Variants in ABCA10 observed in about 807,000 individuals in gnomAD.
ABCA10 encodes ATP binding cassette subfamily A member 10, also known as ATP-binding cassette sub-family A member 10.
A neutral mutation model predicts 187.5 loss-of-function variants in ABCA10; 169 were observed. That is an observed-to-expected ratio of 0.90 (90% confidence interval 0.80 to 1.02). The LOEUF (loss-of-function observed/expected upper bound fraction) is 1.02, where lower values mean the gene tolerates loss of function less well. Ranked by LOEUF, ABCA10 falls within the 50% of genes least tolerant of loss-of-function variation. ABCA10 has a pLI of 0.00. For missense variants in ABCA10, 1,727 were observed against 1,812.4 expected, an observed-to-expected ratio of 0.95 and a Z score of 0.86; for synonymous variants, 574 against 601.8, an observed-to-expected ratio of 0.95 and a Z score of 0.68.
intron 3 of ABCA10, among the ~76,000 whole-genome samples, chr17:69,224,692 A>G (rs1201986525): frequency 6.7e-6 from 1 of 149,024 alleles, no homozygotes; most frequent in African/African-American, 2.6e-5. Context: ...TTATGGGAAA[A>G]AAAAAAAAAA....
intron 3 of ABCA10, among the ~76,000 whole-genome samples, 177 bp from the exon 4 acceptor site, chr17:69,222,874 A>G: frequency 6.6e-6 from 1 of 152,244 alleles, no homozygotes; most frequent in South Asian, 2.1e-4. Flanking sequence ...ATGCAAATAC[A>G]TGAAAAGACA....
chr17:69,165,172 A>T, intron 25 of ABCA10, 89 bp from the exon 26 acceptor site: 1 of 1,129,408 alleles, frequency 8.9e-7, no homozygotes, highest in Non-Finnish European at 1.3e-6. Flanking sequence ...TTCCTGGGAG[A>T]TACTGCCATT....
At position 69,156,049 on chromosome 17, in the gene ABCA10, C is replaced by A. The variant is rs147419758; in HGVS notation, c.3456-124G>T. 1.9e-3 allele frequency: 2,251 copies of A among 1,157,508 alleles called. 3 individuals are homozygous for A. Among genetic ancestry groups the A allele is most frequent in the Admixed American group, 2.6e-3 (98 of 37,124 alleles). The allele number at this position is 1,157,508 out of a possible 1,614,324, so 71.7% of individuals were successfully genotyped here. On this transcript the variant is annotated intron_variant, in intron 28 of 38. Transcript: ENST00000690296. ...AGACTATCACATCATTAATTTATTA[C>A]CTACAAGATTCTTCTTGGCAGTAAT... is the stretch of plus-strand genomic sequence containing the variant.
intron 28 of ABCA10, 96 bp from the exon 29 acceptor site, chr17:69,156,021 A>G (rs1374911833): frequency 7.4e-7 from 1 of 1,348,070 alleles, no homozygotes; most frequent in African/African-American, 1.5e-5. Flanking sequence ...TCCTTTTTAA[A>G]AAAGACTATC....
In ABCA10 at chr17:69,149,095, G is replaced by A; in HGVS notation, c.4478-7C>T. ...AGGTTGAAGGTCTGTTTCACTGCAT[G>A]TAAAGAGACTGACATTAGTGGCTTA... On this transcript the variant is annotated splice_polypyrimidine_tract_variant and splice_region_variant and intron_variant, in intron 37 of 38. Transcript: ENST00000690296. 1.2e-6 allele frequency: 2 copies of A among 1,613,782 alleles called. No individual in the cohort carries two copies. Among genetic ancestry groups the A allele is most frequent in the Non-Finnish European group, 1.7e-6 (2 of 1,179,736 alleles).
At chr17:69,165,542 T>C (rs931248775) in intron 25 of ABCA10, among the ~76,000 whole-genome samples, 3 of 152,104 alleles carry the variant, frequency 2.0e-5, no homozygotes, top group Admixed American at 6.6e-5. Context: ...GGTAGGAATA[T>C]TGAACAGTTT....
chr17:69,198,323 C>T (rs966060813), intron 10 of ABCA10, among the ~76,000 whole-genome samples: 6 of 152,074 alleles, frequency 3.9e-5, no homozygotes, highest in Non-Finnish European at 5.9e-5. Context: ...TTCTGCAATG[C>T]GGAGGACATA....
intron 1 of ABCA10, among the ~76,000 whole-genome samples, chr17:69,227,907 C>T (rs2074806428): frequency 2.0e-5 from 3 of 151,826 alleles, no homozygotes; most frequent in Non-Finnish European, 4.4e-5. Context: ...GCTAATATGA[C>T]TAGAGTAATT....
At chr17:69,194,050 T>C (rs1336049330) in intron 12 of ABCA10, 61 bp from the exon 13 acceptor site, 16 of 1,412,704 alleles carry the variant, frequency 1.1e-5, no homozygotes, top group East Asian at 2.3e-5. Flanking sequence ...AGAGTGATAA[T>C]ATATGTTAGT....
chr17:69,192,750 A>C, intron 15 of ABCA10, 97 bp from the exon 16 acceptor site: 1 of 1,032,892 alleles, frequency 9.7e-7, no homozygotes, highest in Non-Finnish European at 1.5e-6. Flanking sequence ...TGAAATTTGT[A>C]ATATCAATAC....
rs775756407 is a variant in ABCA10, at chr17:69,219,603, C to T, written c.472G>A (p.Glu158Lys). The change falls in exon 6 of 39, where the codon GAA (glutamate) becomes AAA (lysine). Residue 158 changes from glutamate (E) to lysine (K), a missense_variant. Transcript: ENST00000690296. ...ATCAGTTTCTTAAATTTTCCTCTTT[C>T]CCTTGCAACATTTAATGATGCAAAG... ...IYFASLNVAR[E>K]RGKFKKLMTV... The T allele has an allele frequency of 4.3e-6, 7 of 1,609,676 alleles. No individual in the cohort carries two copies. The highest frequency in any genetic ancestry group is 1.7e-4 in the Middle Eastern group (1 of 6,044).
Position 69,153,832 on chromosome 17 carries a change from G to A in ABCA10, c.3964C>T (p.Arg1322Ter), listed in dbSNP as rs10491178. 98,995 of 1,611,562 alleles carry A rather than the reference G, an allele frequency of 0.061. 3,739 individuals are homozygous for A. The highest frequency in any genetic ancestry group is 0.16 in the Admixed American group (9,681 of 59,620). Residue 1322 changes from arginine (R) to a stop codon, truncating the protein, a stop_gained and splice_region_variant, in exon 32 of 39, where the codon CGA becomes TGA. Transcript: ENST00000690296. LOFTEE classifies it high-confidence loss of function. Reference sequence around the variant, plus strand: ...AAATTGTGAGACTTCTCTCTGTACCGTGAAATACTGAGAGCAGCATCTTCT... The same window carrying A: ...AAATTGTGAGACTTCTCTCTGTACCATGAAATACTGAGAGCAGCATCTTCT... Reference protein sequence around the residue: ...GKEDAALSISRLVEALKLQEQ... With the variant: ...GKEDAALSIS
At chr17:69,193,425 T>C (rs1262396632) in intron 14 of ABCA10, 68 bp downstream of exon 14, 2 of 1,549,418 alleles carry the variant, frequency 1.3e-6, no homozygotes, top group African/African-American at 1.4e-5. Context: ...ACAGTAGAAG[T>C]TGGACTTTAA....
At chr17:69,188,675 T>C (rs1413501159) in intron 18 of ABCA10, among the ~76,000 whole-genome samples, 1 of 151,808 alleles carries the variant, frequency 6.6e-6, no homozygotes, top group Non-Finnish European at 1.5e-5. Context: ...CACTAGGTCA[T>C]TTTTCAATTC....
intron 28 of ABCA10, 43 bp downstream of exon 28, chr17:69,156,789 A>T (rs2074177575): frequency 8.6e-7 from 1 of 1,168,846 alleles, no homozygotes; most frequent in Middle Eastern, 2.9e-4. Context: ...AAAAAGACTA[A>T]ATATTTAGAT....
intron 4 of ABCA10, 67 bp from the exon 5 acceptor site, chr17:69,221,962 A>G: frequency 8.1e-7 from 1 of 1,237,092 alleles, no homozygotes; most frequent in Non-Finnish European, 1.1e-6. Context: ...TTAAAACTTT[A>G]ACTTTGGCTC....
chr17:69,153,215 A>C, intron 34 of ABCA10, 90 bp downstream of exon 34: 3 of 1,481,776 alleles, frequency 2.0e-6, no homozygotes, highest in Non-Finnish European at 2.7e-6. Flanking sequence ...TTAATGGAGC[A>C]AAATGTAACA....
chr17:69,225,714 A>T (rs1408538273), intron 2 of ABCA10, among the ~76,000 whole-genome samples, 185 bp from the exon 3 acceptor site: 1 of 152,126 alleles, frequency 6.6e-6, no homozygotes, highest in African/African-American at 2.4e-5. Context: ...AAAAATACAC[A>T]ACTTTTGAGA....
At chr17:69,244,207 T>C in intron 1 of ABCA10, 1 of 152,144 alleles carries the variant, frequency 6.6e-6, no homozygotes, top group South Asian at 2.1e-4. Context: ...TAAACATACC[T>C]AGTTTATGTT....
Sources: allele counts gnomAD v4.1 joint callset (sites outside exome capture counted in the v4.1 genomes callset), GRCh38; gene constraint gnomAD v4.1.1; transcripts MANE v1.5; gene names NCBI Gene and HGNC (gene_info 2026-07-23, HGNC 2026-07-21).